Variants in NUP58 observed in about 807,000 individuals in gnomAD.
NUP58 encodes the protein nucleoporin 58.
A neutral mutation model predicts 70.1 loss-of-function variants in NUP58; 17 were observed. That is an observed-to-expected ratio of 0.24 (90% CI 0.17 to 0.36). NUP58 has a LOEUF of 0.36. Ranked by LOEUF, NUP58 falls within the 10% of genes least tolerant of loss-of-function variation. The probability of loss-of-function intolerance (pLI) is 1.00; values close to 1 mark genes in which losing one functional copy is unlikely to be tolerated. For synonymous variants in NUP58, 275 were observed against 257.6 expected (o/e 1.07, Z -0.65); for missense variants, 644 against 701.5 (o/e 0.92, Z 0.93).
intron 6 of NUP58, among the ~76,000 whole-genome samples, chr13:25,316,697 T>G (rs2030946370): frequency 6.6e-6 from 1 of 152,206 alleles, no homozygotes; most frequent in African/African-American, 2.4e-5. Context: ...ACCACTTCTA[T>G]TACTTTTATT....
chr13:25,329,849 G>A (rs2031540064), intron 12 of NUP58, among the ~76,000 whole-genome samples: 2 of 152,080 alleles, frequency 1.3e-5, no homozygotes, highest in Non-Finnish European at 1.5e-5. Flanking sequence ...TGTTGAGAAG[G>A]GCTTGCTCTG....
chr13:25,329,670 T>A (rs2031533084), intron 12 of NUP58, among the ~76,000 whole-genome samples: 1 of 152,188 alleles, frequency 6.6e-6, no homozygotes, highest in African/African-American at 2.4e-5. Context: ...CAAGACATTT[T>A]TTTGTTCGTT....
At chr13:25,316,048 G>C (rs1293773787) in intron 6 of NUP58, among the ~76,000 whole-genome samples, 4 of 152,062 alleles carry the variant, frequency 2.6e-5, no homozygotes, top group African/African-American at 9.7e-5. Context: ...ATCAATGCTT[G>C]TTTATATTTT....
Position 25,301,857 on chromosome 13 carries a change from C to T in NUP58, c.84C>T (p.Phe28=), listed in dbSNP as rs771834439. The change falls in exon 1 of 16, where the codon TTC becomes TTT. Residue 28 remains phenylalanine (F), a synonymous_variant. Transcript: ENST00000381736. Reference sequence around the variant, plus strand: ...GCGGGACCAGCACAGGCGGCGTTTTCTCCTTCGGAACGGGAGCGTCTAGGT... The same window carrying T: ...GCGGGACCAGCACAGGCGGCGTTTTTTCCTTCGGAACGGGAGCGTCTAGGT... The part of the protein sequence containing the change: ...AAGGTSTGGV[F]SFGTGASSNP... The T allele has an allele frequency of 2.5e-6, 4 of 1,613,438 alleles. No homozygotes were observed. The South Asian group carries it at 3.3e-5, about 13-fold the overall frequency.
downstream of NUP58, among the ~76,000 whole-genome samples, chr13:25,346,610 C>G (rs922987671): frequency 2.0e-5 from 3 of 151,746 alleles, no homozygotes; most frequent in Non-Finnish European, 4.4e-5. Flanking sequence ...ATCTCAGCTA[C>G]TCGGGAGGCT....
At chr13:25,315,562 T>A (rs987651893) in intron 6 of NUP58, 95 bp downstream of exon 6, 1 of 795,630 alleles carries the variant, frequency 1.3e-6, no homozygotes, top group Admixed American at 2.2e-5. Context: ...TTAGCAGTTA[T>A]ATATTTAGTA....
At chr13:25,314,850 G>A (rs4238190) in intron 5 of NUP58, among the ~76,000 whole-genome samples, 140,903 of 152,248 alleles carry the variant, frequency 0.93, 66,176 homozygotes, top group East Asian at 1. Flanking sequence ...ATGTAAATAA[G>A]CAAATGAATT....
At chr13:25,326,788 C>T in intron 10 of NUP58, 128 bp from the exon 11 acceptor site, 1 of 491,940 alleles carries the variant, frequency 2.0e-6, no homozygotes, top group East Asian at 3.2e-5. Flanking sequence ...GTTATTCAGT[C>T]CTTCCTTTCC....
rs948557079 is a variant in NUP58, at chr13:25,327,451, A to G, written c.1172A>G (p.Lys391Arg). The G allele has an allele frequency of 6.2e-7, 1 of 1,610,500 alleles. No homozygotes were observed. Among genetic ancestry groups the G allele is most frequent in the Non-Finnish European group, 8.5e-7 (1 of 1,177,980 alleles). The stretch of plus-strand genomic sequence containing the variant: ...ATAGATTTGTCAATGGCTATGCAGA[A>G]AATTTATCAAACATTTGTAGCTTTA... ...TPQDLSMAMQ[K>R]IYQTFVALAA... Residue 391 changes from lysine (K) to arginine (R), a missense_variant, in exon 12 of 16, where the codon AAA becomes AGA. Lys to Arg is a conservative substitution (Grantham distance 26, BLOSUM62 2). Transcript: ENST00000381736.
chr13:25,317,334 A>T (rs2030979042), intron 6 of NUP58, among the ~76,000 whole-genome samples: 1 of 152,088 alleles, frequency 6.6e-6, no homozygotes, highest in South Asian at 2.1e-4. Flanking sequence ...TATTAAAGGG[A>T]TTTGATGAGA....
downstream of NUP58, chr13:25,342,449 T>C (rs541013847): frequency 6.6e-6 from 1 of 151,240 alleles, no homozygotes; most frequent in African/African-American, 2.5e-5. Context: ...GTTCTTAATA[T>C]GTAATTTTAT....
downstream of NUP58, among the ~76,000 whole-genome samples, chr13:25,347,127 G>A (rs2032059928): frequency 6.6e-6 from 1 of 152,172 alleles, no homozygotes; most frequent in Non-Finnish European, 1.5e-5. Context: ...TGTGTGAAAT[G>A]TAGTATTGAC....
At position 25,313,032 on chromosome 13, in the gene NUP58, G is replaced by A; in HGVS notation, c.436G>A (p.Ala146Thr). The change falls in exon 4 of 16, where the codon GCA (alanine) becomes ACA (threonine). Residue 146 changes from alanine (A) to threonine (T), a missense_variant and splice_region_variant. Ala to Thr is a moderately conservative substitution (Grantham distance 58). Around this residue, in one of 4 missense-constraint regions of NUP58, gnomAD observed 430 missense variants for 409.2 expected, o/e 1.05. Transcript: ENST00000381736. The stretch of plus-strand genomic sequence containing the variant: ...GTCTGCTCTGACATCAACTCCAGCA[G>A]GTGAGGCAGAATGAAAAACCGTTGC... Reference protein sequence around the residue: ...LSSALTSTPAASTGFTLNNLG... With the variant: ...LSSALTSTPATSTGFTLNNLG... 1.2e-6 allele frequency: 2 copies of A among 1,610,204 alleles called. No individual in the cohort carries two copies. The highest frequency in any genetic ancestry group is 8.5e-7 in the Non-Finnish European group (1 of 1,178,974).
rs1313423422 is a variant in NUP58, at chr13:25,331,480, A to G, written c.1357A>G (p.Thr453Ala). ...QNTPRVTTGP[T>A]PFSTMPNAAA... ...CACACCCAGAGTTACTACTGGACCC[A>G]CTCCTTTCAGCACCATGCCAAACGC... Residue 453 changes from threonine to alanine, a missense_variant, in exon 13 of 16, where the codon ACT becomes GCT. Transcript: ENST00000381736. 3 of 1,613,908 alleles carry G rather than the reference A, an allele frequency of 1.9e-6. No individual in the cohort carries two copies. Among genetic ancestry groups the G allele is most frequent in the Non-Finnish European group, 2.5e-6 (3 of 1,180,008 alleles).
chr13:25,315,575 A>G, intron 6 of NUP58, 108 bp downstream of exon 6: 2 of 724,342 alleles, frequency 2.8e-6, no homozygotes, highest in Non-Finnish European at 4.8e-6. Flanking sequence ...ATTTAGTAGT[A>G]ACAGTTAGCT....
At chr13:25,332,049 T>A in intron 13 of NUP58, 2 of 1,006,142 alleles carry the variant, frequency 2.0e-6, no homozygotes, top group Non-Finnish European at 1.2e-6. Flanking sequence ...ATGTTGAAGA[T>A]CAATAGGCTT....
At chr13:25,335,281 TAAC>T in intron 13 of NUP58, 7 of 985,304 alleles carry the variant, frequency 7.1e-6, no homozygotes, top group Non-Finnish European at 8.4e-6. Flanking sequence ...CTGTTGCTCT[TAAC>T]AACAGACCCA....
intron 15 of NUP58, among the ~76,000 whole-genome samples, chr13:25,339,289 C>T (rs1314896715): frequency 1.3e-5 from 2 of 152,028 alleles, no homozygotes; most frequent in African/African-American, 4.8e-5. Flanking sequence ...TGCTTAGGGA[C>T]AAATACCATA....
Position 25,301,861 on chromosome 13 carries a change from T to C in NUP58, c.88T>C (p.Phe30Leu). 1 of 1,613,028 alleles carries C rather than the reference T, an allele frequency of 6.2e-7. No homozygotes were observed. The highest frequency in any genetic ancestry group is 1.3e-5 in the African/African-American group (1 of 75,002). ...GACCAGCACAGGCGGCGTTTTCTCC[T>C]TCGGAACGGGAGCGTCTAGGTAACC... is the stretch of plus-strand genomic sequence containing the variant. ...GGTSTGGVFS[F>L]GTGASSNPSV... Residue 30 changes from phenylalanine (F) to leucine (L), a missense_variant, in exon 1 of 16, where the codon TTC (phenylalanine) becomes CTC (leucine). Phe to Leu is a conservative substitution (Grantham distance 22). Transcript: ENST00000381736.
Sources: allele counts gnomAD v4.1 joint callset (sites outside exome capture counted in the v4.1 genomes callset), GRCh38; gene constraint gnomAD v4.1.1; regional missense constraint gnomAD v4.1.1; transcripts MANE v1.5; gene names NCBI Gene and HGNC (gene_info 2026-07-23, HGNC 2026-07-21).